The following WWOX variants were observed in gnomAD, a reference collection of about 807,000 sequenced individuals.
The protein encoded by WWOX is WW domain containing oxidoreductase, also known as WW domain-containing oxidoreductase.
WWOX carries 69 observed loss-of-function variants against 46.2 expected under a neutral mutation model. The observed-to-expected ratio is 1.49, with a 90% CI of 1.23 to 1.82. The LOEUF is 1.82. Ranked by LOEUF, WWOX falls within the 40% of genes most tolerant of loss-of-function variation. The pLI is 0.00. For synonymous variants in WWOX, 359 were observed against 202.6 expected (o/e 1.77, Z -6.56); for missense variants, 919 against 542.6 (o/e 1.69, Z -6.89).
At chr16:78,855,958 C>T (rs764728365) in intron 8 of WWOX, among the ~76,000 whole-genome samples, 12 of 152,238 alleles carry the variant, frequency 7.9e-5, no homozygotes, top group South Asian at 2.1e-4. Context: ...GAGTTTTGTA[C>T]GGAAAAAGTC....
chr16:78,805,456 C>A (rs1173820679), intron 8 of WWOX, among the ~76,000 whole-genome samples: 5 of 150,512 alleles, frequency 3.3e-5, no homozygotes. Flanking sequence ...TTGTATTTTT[C>A]ATATTTTTCG....
intron 8 of WWOX, chr16:79,204,057 C>G (rs1177399642): frequency 6.6e-6 from 1 of 152,138 alleles, no homozygotes; most frequent in Non-Finnish European, 1.5e-5. Flanking sequence ...AAGGACGACA[C>G]TATCAGTTAG....
intron 8 of WWOX, among the ~76,000 whole-genome samples, chr16:78,670,302 T>C (rs1077963): frequency 0.41 from 62,050 of 152,034 alleles, 15,160 homozygotes; most frequent in Admixed American, 0.53. Context: ...ATCTGTCTTT[T>C]CCGACCCTCC....
At chr16:78,676,246 G>C (rs58029612) in intron 8 of WWOX, among the ~76,000 whole-genome samples, 1 of 151,738 alleles carries the variant, frequency 6.6e-6, no homozygotes, top group African/African-American at 2.4e-5. Flanking sequence ...GCTCTCTACA[G>C]AGTCCGAAAC....
chr16:79,001,221 G>A (rs144029321), intron 8 of WWOX, among the ~76,000 whole-genome samples: 124 of 152,228 alleles, frequency 8.1e-4, no homozygotes, highest in African/African-American at 2.7e-3. Context: ...AACGGAGGCC[G>A]GTTAGAGACA....
At chr16:79,117,175 C>G (rs1053582119) in intron 8 of WWOX, among the ~76,000 whole-genome samples, 1 of 152,056 alleles carries the variant, frequency 6.6e-6, no homozygotes, top group Admixed American at 6.6e-5. Flanking sequence ...CTAGGCTGGG[C>G]TATTTTTGTA....
chr16:79,062,977 C>T (rs1270105923), intron 8 of WWOX, among the ~76,000 whole-genome samples: 1 of 152,208 alleles, frequency 6.6e-6, no homozygotes, highest in South Asian at 2.1e-4. Context: ...TGATGGGCTA[C>T]AGATGCCGAG....
chr16:78,106,097 C>T (rs1043205032), intron 1 of WWOX, among the ~76,000 whole-genome samples: 2 of 152,194 alleles, frequency 1.3e-5, no homozygotes, highest in African/African-American at 2.4e-5. Flanking sequence ...CCACCGTACC[C>T]CGCCACTCCA....
chr16:78,488,179 A>G (rs1393477615), intron 8 of WWOX, among the ~76,000 whole-genome samples: 1 of 152,200 alleles, frequency 6.6e-6, no homozygotes, highest in Non-Finnish European at 1.5e-5. Flanking sequence ...GATGGAGGGA[A>G]CATGGAAGAT....
chr16:78,830,132 A>C (rs756063561), intron 8 of WWOX, among the ~76,000 whole-genome samples: 2 of 152,130 alleles, frequency 1.3e-5, no homozygotes, highest in Non-Finnish European at 2.9e-5. Context: ...AAAATAAACA[A>C]AATACTTCTG....
intron 8 of WWOX, among the ~76,000 whole-genome samples, chr16:78,933,664 C>T (rs1477813655): frequency 6.6e-6 from 1 of 152,082 alleles, no homozygotes; most frequent in African/African-American, 2.4e-5. Flanking sequence ...CTGGGGAGGC[C>T]TCACAATTAC....
intron 7 of WWOX, among the ~76,000 whole-genome samples, chr16:78,427,095 A>T (rs1009725732): frequency 3.3e-5 from 5 of 152,176 alleles, no homozygotes; most frequent in African/African-American, 1.2e-4. Flanking sequence ...GTACGTGAAG[A>T]CAGTTGCTCA....
intron 8 of WWOX, among the ~76,000 whole-genome samples, chr16:78,887,270 G>C (rs2044484593): frequency 6.6e-6 from 1 of 151,886 alleles, no homozygotes; most frequent in African/African-American, 2.4e-5. Flanking sequence ...CATTATACCA[G>C]CAATTCCCCT....
intron 5 of WWOX, among the ~76,000 whole-genome samples, chr16:78,334,790 C>T (rs968352982): frequency 1.4e-5 from 2 of 140,342 alleles, no homozygotes; most frequent in African/African-American, 5.5e-5. Flanking sequence ...AAAGTCTCCC[C>T]TCCACACACA....
Position 79,211,595 on chromosome 16 carries a change from C to A in WWOX, c.1057-13C>A. On this transcript the variant is annotated splice_polypyrimidine_tract_variant and intron_variant, in intron 8 of 8. Transcript: ENST00000566780. ...CTTAAAATTTTTTTTTGTCTTTCTTCTTGGATTTCCAGCAACAGGGAGCTG... is the reference window on the plus strand; with the variant it reads ...CTTAAAATTTTTTTTTGTCTTTCTTATTGGATTTCCAGCAACAGGGAGCTG... 4 of 1,614,018 alleles carry A rather than the reference C, an allele frequency of 2.5e-6. No homozygotes were observed. The highest frequency in any genetic ancestry group is 3.4e-6 in the Non-Finnish European group (4 of 1,179,966).
At chr16:78,676,125 C>A (rs961361296) in intron 8 of WWOX, among the ~76,000 whole-genome samples, 16 of 151,682 alleles carry the variant, frequency 1.1e-4, no homozygotes, top group Admixed American at 6.6e-4. Flanking sequence ...AACCAGACAA[C>A]CAGACTGAGA....
chr16:78,646,133 C>G (rs116734797), intron 8 of WWOX, among the ~76,000 whole-genome samples: 1 of 152,136 alleles, frequency 6.6e-6, no homozygotes, highest in Admixed American at 6.5e-5. Flanking sequence ...ATCTGCCATG[C>G]CAAATAACAC....
chr16:79,007,427 C>A (rs2047212583), intron 8 of WWOX, among the ~76,000 whole-genome samples: 1 of 152,080 alleles, frequency 6.6e-6, no homozygotes, highest in Non-Finnish European at 1.5e-5. Context: ...ACTCAGGCTG[C>A]CTTCGAAAGG....
intron 8 of WWOX, among the ~76,000 whole-genome samples, chr16:78,462,416 C>T (rs147320388): frequency 2.3e-3 from 357 of 152,216 alleles, no homozygotes; most frequent in African/African-American, 8.0e-3. Context: ...ATCCTGTTGT[C>T]GCTAATTTGC....
Sources: allele counts gnomAD v4.1 joint callset (sites outside exome capture counted in the v4.1 genomes callset), GRCh38; gene constraint gnomAD v4.1.1; transcripts MANE v1.5; gene names NCBI Gene and HGNC (gene_info 2026-07-23, HGNC 2026-07-21).